NFIL3: variants seen among roughly 807,000 people sequenced by gnomAD.
The protein encoded by NFIL3 is nuclear factor interleukin-3-regulated protein.
A neutral mutation model predicts 10.0 loss-of-function variants in NFIL3; 5 were observed. The ratio of observed to expected loss-of-function variants is 0.50; its 90% CI spans 0.26 to 1.06. The LOEUF is 1.06. Ranked by LOEUF, NFIL3 falls within the 50% of genes least tolerant of loss-of-function variation. The pLI, the probability that NFIL3 is intolerant of heterozygous loss-of-function variation, is 0.13. For synonymous variants in NFIL3, 202 were observed against 206.5 expected (o/e 0.98, Z 0.19); for missense variants, 436 against 547.6 (o/e 0.80, Z 2.03).
At chr9:91,467,176 T>G in the NFIL3 span, among the ~76,000 whole-genome samples, 1 of 151,554 alleles carries the variant, frequency 6.6e-6, no homozygotes, top group Non-Finnish European at 1.5e-5. Flanking sequence ...ATATTATATA[T>G]TATATTATAT....
At chr9:91,471,635 G>T in the NFIL3 span, among the ~76,000 whole-genome samples, 1 of 151,738 alleles carries the variant, frequency 6.6e-6, no homozygotes, top group Non-Finnish European at 1.5e-5. Flanking sequence ...TTAGCATTAG[G>T]TATATCTCCT....
the NFIL3 span, among the ~76,000 whole-genome samples, chr9:91,442,321 G>A: frequency 3.3e-5 from 5 of 152,298 alleles, no homozygotes; most frequent in Non-Finnish European, 5.9e-5. Context: ...AGTCTAATGA[G>A]AATGCTGTTA....
the NFIL3 span, among the ~76,000 whole-genome samples, chr9:91,478,514 A>G: frequency 6.6e-6 from 1 of 151,734 alleles, no homozygotes; most frequent in African/African-American, 2.4e-5. Flanking sequence ...TTCTTCTCTA[A>G]GCCGGTTATT....
the NFIL3 span, among the ~76,000 whole-genome samples, chr9:91,478,477 C>T: frequency 4.6e-5 from 7 of 151,658 alleles, no homozygotes; most frequent in African/African-American, 7.3e-5. Flanking sequence ...ATGAAGTTCT[C>T]GTGCTATGTT....
At chr9:91,415,200 C>T (rs1247758354) in intron 1 of NFIL3, among the ~76,000 whole-genome samples, 3 of 152,106 alleles carry the variant, frequency 2.0e-5, no homozygotes, top group Admixed American at 6.5e-5. Context: ...CAGAGGGGAA[C>T]CAGGTGTGAG....
chr9:91,483,075 C>G, the NFIL3 span, among the ~76,000 whole-genome samples: 1 of 152,104 alleles, frequency 6.6e-6, no homozygotes, highest in Non-Finnish European at 1.5e-5. Flanking sequence ...TCTCCCTCAA[C>G]AGTCTGCTCA....
chr9:91,457,861 A>G, the NFIL3 span, among the ~76,000 whole-genome samples: 1 of 152,012 alleles, frequency 6.6e-6, no homozygotes, highest in Non-Finnish European at 1.5e-5. Flanking sequence ...GTTTTTTGCA[A>G]GATTTTAAGA....
chr9:91,474,734 A>G, the NFIL3 span, among the ~76,000 whole-genome samples: 1 of 152,140 alleles, frequency 6.6e-6, no homozygotes, highest in Non-Finnish European at 1.5e-5. Flanking sequence ...GATGAGATAA[A>G]CGACTTGAGC....
the NFIL3 span, among the ~76,000 whole-genome samples, chr9:91,460,788 C>A: frequency 2.0e-5 from 3 of 152,324 alleles, no homozygotes; most frequent in East Asian, 5.8e-4. Flanking sequence ...AAATGAACAT[C>A]TGGCTCATAA....
At chr9:91,474,295 C>T in the NFIL3 span, among the ~76,000 whole-genome samples, 2 of 151,864 alleles carry the variant, frequency 1.3e-5, no homozygotes, top group South Asian at 4.2e-4. Flanking sequence ...GTAATGAATT[C>T]CAGTTGTTCA....
chr9:91,434,823 G>A, the NFIL3 span, among the ~76,000 whole-genome samples: 3 of 152,026 alleles, frequency 2.0e-5, no homozygotes, highest in Non-Finnish European at 2.9e-5. Flanking sequence ...ACCAAAAATC[G>A]CTTGTACTCT....
the NFIL3 span, among the ~76,000 whole-genome samples, chr9:91,458,070 A>G: frequency 0.029 from 4,353 of 152,064 alleles, 87 homozygotes; most frequent in East Asian, 0.065. Flanking sequence ...TTTATTTAGA[A>G]TTTTTACATA....
intron 1 of NFIL3, among the ~76,000 whole-genome samples, chr9:91,411,497 G>A (rs922760553): frequency 1.3e-5 from 2 of 152,042 alleles, no homozygotes; most frequent in East Asian, 3.9e-4. Flanking sequence ...CATTAACAAC[G>A]GAGCTGTTGG....
chr9:91,473,777 C>T, the NFIL3 span, among the ~76,000 whole-genome samples: 56 of 152,346 alleles, frequency 3.7e-4, no homozygotes, highest in Admixed American at 3.4e-3. Context: ...GTAGAAATCA[C>T]CTGTCTTCTG....
chr9:91,412,478 G>C (rs368353814), intron 1 of NFIL3, among the ~76,000 whole-genome samples: 1 of 152,030 alleles, frequency 6.6e-6, no homozygotes, highest in South Asian at 2.1e-4. Context: ...AATATTTTTC[G>C]TTAAATAGAC....
At chr9:91,457,179 T>C in the NFIL3 span, among the ~76,000 whole-genome samples, 2 of 152,148 alleles carry the variant, frequency 1.3e-5, no homozygotes, top group East Asian at 3.9e-4. Flanking sequence ...TCATTCTTTT[T>C]AAAAGTTCTC....
At chr9:91,422,567 A>C (rs779774646) in intron 1 of NFIL3, among the ~76,000 whole-genome samples, 10 of 152,148 alleles carry the variant, frequency 6.6e-5, no homozygotes, top group South Asian at 4.1e-4. Context: ...CCCTCTCTCT[A>C]TGCTCACTGC....
At chr9:91,432,433 G>A in the NFIL3 span, among the ~76,000 whole-genome samples, 9 of 152,208 alleles carry the variant, frequency 5.9e-5, no homozygotes, top group South Asian at 6.2e-4. Context: ...TTCAGGCTCC[G>A]GTTTCTGGGA....
the NFIL3 span, among the ~76,000 whole-genome samples, chr9:91,474,953 C>T: frequency 6.6e-6 from 1 of 152,168 alleles, no homozygotes; most frequent in East Asian, 1.9e-4. Flanking sequence ...TAAGAAAGAA[C>T]CTGGATGGCC....
Sources: gnomAD v4.1 joint callset for allele counts (sites outside exome capture counted in the v4.1 genomes callset) on GRCh38, gnomAD v4.1.1 for gene constraint, MANE v1.5 for transcripts, NCBI Gene and HGNC (gene_info 2026-07-23, HGNC 2026-07-21) for gene names.